CHMP7: variants seen among roughly 807,000 people sequenced by gnomAD.
The protein encoded by CHMP7 is charged multivesicular body protein 7.
In CHMP7, 15 loss-of-function variants were observed where a neutral mutation model predicts 53.7. That is an observed-to-expected ratio of 0.28 (90% CI 0.19 to 0.43). CHMP7 has a LOEUF of 0.43. Ranked by LOEUF, CHMP7 falls within the 20% of genes least tolerant of loss-of-function variation. CHMP7 has a pLI of 1.00. For synonymous variants in CHMP7, 261 were observed against 228.0 expected (o/e 1.14, Z -1.30); for missense variants, 527 against 569.4 (o/e 0.93, Z 0.76).
chr8:23,248,037 C>G (rs1051595688), intron 2 of CHMP7: 2 of 455,884 alleles, frequency 4.4e-6, no homozygotes, highest in African/African-American at 4.0e-5. Flanking sequence ...GTCTCGAACT[C>G]CTGCACTCAA....
In CHMP7 at chr8:23,258,459, C is replaced by G; in HGVS notation, c.960+10C>G. 1 of 1,613,834 alleles carries G rather than the reference C, an allele frequency of 6.2e-7. No homozygotes were observed. Among genetic ancestry groups the G allele is most frequent in the Non-Finnish European group, 8.5e-7 (1 of 1,179,956 alleles). ...CCAGACAGATCAGATGGTAGTCACT[C>G]CCCTCTACTCCAGCACTTGGCTGGT... On this transcript the variant is annotated intron_variant, in intron 7 of 10. Transcript: ENST00000397677.
At chr8:23,245,155 TC>T (rs1801641366) in intron 1 of CHMP7, among the ~76,000 whole-genome samples, 1 of 152,254 alleles carries the variant, frequency 6.6e-6, no homozygotes, top group African/African-American at 2.4e-5. Flanking sequence ...AGCTAGGATT[TC>T]CCGTACAGTG....
Position 23,246,726 on chromosome 8 carries a change from C to T in CHMP7, c.31C>T (p.Pro11Ser). MWSPEREAEA[P>S]AGGDPAGLLP... ...GTCCCCGGAGCGGGAGGCCGAGGCC[C>T]CAGCCGGGGGAGACCCGGCGGGCCT... is the stretch of plus-strand genomic sequence containing the variant. The change falls in exon 2 of 11, where the codon CCA (proline) becomes TCA (serine). Residue 11 changes from proline (P) to serine (S), a missense_variant. Coordinates refer to ENST00000397677, the MANE Select transcript of CHMP7 (RefSeq NM_152272.5). The T allele has an allele frequency of 6.5e-7, 1 of 1,550,162 alleles. No homozygotes were observed. Among genetic ancestry groups the T allele is most frequent in the Non-Finnish European group, 8.7e-7 (1 of 1,147,232 alleles).
rs184597704 is a variant in CHMP7 at position 23,258,948 on chromosome 8, C to T, written c.1059+118C>T. ...TTGTGACCTTGTGAACTTGAGGAAG[C>T]TTTCCTTGATTCTCACTTGGGGCAG... On this transcript the variant is annotated intron_variant, in intron 8 of 10. Transcript: ENST00000397677. The T allele has an allele frequency of 1.6e-3, 1,696 of 1,060,084 alleles. 19 individuals are homozygous for T. In the African/African-American group the frequency reaches 0.024, roughly 15 times the overall value. The allele number at this position is 1,060,084 out of a possible 1,614,324, so 65.7% of individuals were successfully genotyped here. A position where few individuals can be genotyped will look rare whatever the true frequency, so the allele number is the denominator to read the frequency against.
intron 3 of CHMP7, among the ~76,000 whole-genome samples, chr8:23,251,044 A>G (rs908248305): frequency 6.6e-6 from 1 of 152,144 alleles, no homozygotes; most frequent in Admixed American, 6.6e-5. Flanking sequence ...GTCCCCGCAA[A>G]GACTGCAGGA....
intron 1 of CHMP7, among the ~76,000 whole-genome samples, chr8:23,245,073 A>G (rs1338161935): frequency 6.6e-6 from 1 of 152,208 alleles, no homozygotes; most frequent in Non-Finnish European, 1.5e-5. Flanking sequence ...TGTCTTCTAT[A>G]AAGACAGACC....
chr8:23,247,062 G>A (rs1024705375), intron 2 of CHMP7, 68 bp downstream of exon 2: 13 of 1,412,804 alleles, frequency 9.2e-6, no homozygotes, highest in African/African-American at 2.9e-5. Context: ...CCGGGCCCTG[G>A]TCCTGTTCTC....
intron 2 of CHMP7, chr8:23,247,982 C>T (rs995974050): frequency 2.3e-6 from 1 of 430,794 alleles, no homozygotes; most frequent in Non-Finnish European, 4.8e-6. Flanking sequence ...TACTTTTGTT[C>T]CCAGTACCTT....
At position 23,249,374 on chromosome 8, in the gene CHMP7, T is replaced by A; in HGVS notation, c.464T>A (p.Leu155Gln). The A allele has an allele frequency of 1.9e-6, 3 of 1,599,192 alleles. No individual in the cohort carries two copies. The highest frequency in any genetic ancestry group is 2.6e-6 in the Non-Finnish European group (3 of 1,172,744). ...PAEEVLVAVELLKEKAEEVYR... is the reference protein window; with the variant it reads ...PAEEVLVAVEQLKEKAEEVYR... ...GAGGAGGTCCTTGTCGCTGTGGAGC[T>A]GTTGAAGGTGGGTACTCAGAAGGGG... The change falls in exon 3 of 11, where the codon CTG becomes CAG. Residue 155 changes from leucine to glutamine, a missense_variant. Physicochemically the swap from Leu to Gln is moderately radical, Grantham distance 113 (BLOSUM62 -2). Coordinates refer to ENST00000397677, the MANE Select transcript of CHMP7 (RefSeq NM_152272.5).
chr8:23,252,388 G>T (rs1432743632), intron 3 of CHMP7: 1 of 152,026 alleles, frequency 6.6e-6, no homozygotes, highest in Non-Finnish European at 1.5e-5. Context: ...GTTTCACCAT[G>T]TTAGCCAGGA....
In CHMP7 at chr8:23,246,759, C is replaced by T. The variant is rs1352923729; in HGVS notation, c.64C>T (p.Pro22Ser). 7 of 1,557,264 alleles carry T rather than the reference C, an allele frequency of 4.5e-6. No homozygotes were observed. Among genetic ancestry groups the T allele is most frequent in the South Asian group, 1.2e-5 (1 of 84,624 alleles). ...GGGAGACCCGGCGGGCCTTCTGCCC[C>T]CCGAGTGGGAGGAGGACGAGGAGCG... is the stretch of plus-strand genomic sequence containing the variant. ...AGGDPAGLLP[P>S]EWEEDEERMS... is the part of the protein sequence containing the mutation. The change falls in exon 2 of 11, where the codon CCC becomes TCC. Residue 22 changes from proline to serine, a missense_variant. By Grantham distance (74) the Pro-to-Ser change is moderately conservative (BLOSUM62 -1). Coordinates refer to ENST00000397677, the MANE Select transcript of CHMP7 (RefSeq NM_152272.5).
At chr8:23,260,457 G>C in intron 10 of CHMP7, 81 bp from the exon 11 acceptor site, 1 of 1,511,952 alleles carries the variant, frequency 6.6e-7, no homozygotes, top group Admixed American at 1.7e-5. Context: ...TTTATATTAA[G>C]ACTCAGTCTC....
At chr8:23,254,499 A>G (rs997704479) in intron 3 of CHMP7, among the ~76,000 whole-genome samples, 4 of 151,230 alleles carry the variant, frequency 2.6e-5, no homozygotes, top group Non-Finnish European at 5.9e-5. Context: ...GGTTCAAGTG[A>G]TTCTCCTGCC....
chr8:23,249,458 T>G, intron 3 of CHMP7, 77 bp downstream of exon 3: 1 of 1,209,194 alleles, frequency 8.3e-7, no homozygotes, highest in Non-Finnish European at 1.1e-6. Flanking sequence ...TGTGCGTTCT[T>G]GAAAAAAGAC....
chr8:23,259,501 T>C (rs1156985847), intron 9 of CHMP7, among the ~76,000 whole-genome samples: 5 of 151,306 alleles, frequency 3.3e-5, no homozygotes, highest in African/African-American at 1.2e-4. Context: ...GCTGGGATTA[T>C]AGGCGCCCGC....
chr8:23,258,723 TG>T lies in CHMP7; in HGVS notation c.961-8del, dbSNP rs764386014. Reference sequence around the variant, plus strand: ...GTCATTTGCACTGATAGCTTTGCTTTGTCTTTAGGTTTTTAACGCCTACCAG... The same window carrying T: ...GTCATTTGCACTGATAGCTTTGCTTTTCTTTAGGTTTTTAACGCCTACCAG... On this transcript the variant is annotated splice_polypyrimidine_tract_variant and splice_region_variant and intron_variant, in intron 7 of 10. Transcript: ENST00000397677. 2 of 1,592,680 alleles carry T rather than the reference TG, an allele frequency of 1.3e-6. No homozygotes were observed. Among genetic ancestry groups the T allele is most frequent in the Non-Finnish European group, 8.6e-7 (1 of 1,160,998 alleles).
Position 23,256,690 on chromosome 8 carries a change from G to GTTTTT in CHMP7, c.791+107_791+111dup, listed in dbSNP as rs67393714. Reference sequence around the variant, plus strand: ...ATGTGGGCTTTTAAAAAATAGGTGGGTTTTTTTTTTTTTTAGCTAATTACA... The same window carrying GTTTTT: ...ATGTGGGCTTTTAAAAAATAGGTGGGTTTTTTTTTTTTTTTTTTTAGCTAATTACA... On this transcript the variant is annotated intron_variant, in intron 5 of 10. Transcript: ENST00000397677. The GTTTTT allele has an allele frequency of 3.3e-3, 1,932 of 587,560 alleles. 1 individual carries two copies. Among genetic ancestry groups the GTTTTT allele is most frequent in the Middle Eastern group, 4.7e-3 (11 of 2,364 alleles). The allele number at this position is 587,560 out of a possible 1,614,324, so 36.4% of individuals were successfully genotyped here.
At chr8:23,259,205 G>T (rs1220370232) in intron 9 of CHMP7, 79 bp downstream of exon 9, 1 of 686,964 alleles carries the variant, frequency 1.5e-6, no homozygotes, top group African/African-American at 2.4e-5. Context: ...GTCTCGCTCT[G>T]TCGCCCAGGC....
chr8:23,250,759 T>C (rs139655634), intron 3 of CHMP7, among the ~76,000 whole-genome samples: 1 of 152,168 alleles, frequency 6.6e-6, no homozygotes, highest in African/African-American at 2.4e-5. Flanking sequence ...TGCATAGCCC[T>C]AGAGGCTTCA....
Sources: allele counts gnomAD v4.1 joint callset (sites outside exome capture counted in the v4.1 genomes callset), GRCh38; gene constraint gnomAD v4.1.1; transcripts MANE v1.5; gene names NCBI Gene and HGNC (gene_info 2026-07-23, HGNC 2026-07-21).